ANLN: variants seen among roughly 807,000 people sequenced by gnomAD.
The protein encoded by ANLN is anillin.
A neutral mutation model predicts 135.1 loss-of-function variants in ANLN; 59 were observed. The ratio of observed to expected loss-of-function variants is 0.44; its 90% CI spans 0.35 to 0.54. The LOEUF is 0.54. Ranked by LOEUF, ANLN falls within the 20% of genes least tolerant of loss-of-function variation. ANLN has a pLI of 0.00. For missense variants in ANLN, 1,182 were observed against 1,340.0 expected (o/e 0.88, Z 1.84); for synonymous variants, 406 against 456.4 (o/e 0.89, Z 1.41).
chr7:36,431,617 A>T (rs1484896885), intron 20 of ANLN, among the ~76,000 whole-genome samples: 1 of 67,378 alleles, frequency 1.5e-5, no homozygotes, highest in African/African-American at 5.8e-5. Flanking sequence ...ATATATATAT[A>T]ATATATATAT....
intron 20 of ANLN, among the ~76,000 whole-genome samples, chr7:36,438,343 C>T (rs1788629640): frequency 1.3e-5 from 2 of 152,162 alleles, no homozygotes; most frequent in South Asian, 4.1e-4. Flanking sequence ...GTCCATATGT[C>T]TGTTCTTATG....
chr7:36,406,521 T>G lies in ANLN; in HGVS notation c.828T>G (p.Ser276Arg). 6.5e-7 allele frequency: 1 copy of G among 1,545,144 alleles called. No individual in the cohort carries two copies. The highest frequency in any genetic ancestry group is 8.8e-7 in the Non-Finnish European group (1 of 1,142,644). ...DASLNKALSS[S>R]ADDASLVNAS... ...CTTTGAATAAAGCCCTATCCTCAAGTGCTGATGATGCGTCTTTGGTTAATG... is the reference window on the plus strand; with the variant it reads ...CTTTGAATAAAGCCCTATCCTCAAGGGCTGATGATGCGTCTTTGGTTAATG... Residue 276 changes from serine (S) to arginine (R), a missense_variant, in exon 4 of 24, where the codon AGT becomes AGG. Around this residue, in one of 3 missense-constraint regions of ANLN, gnomAD observed 1,022 missense variants for 1,134.0 expected, o/e 0.90. Transcript: ENST00000265748.
chr7:36,443,788 T>A lies in ANLN; in HGVS notation c.3004T>A (p.Trp1002Arg). The A allele has an allele frequency of 6.2e-7, 1 of 1,612,900 alleles. No individual in the cohort carries two copies. The highest frequency in any genetic ancestry group is 8.5e-7 in the Non-Finnish European group (1 of 1,179,346). Residue 1002 changes from tryptophan (W) to arginine (R), a missense_variant, in exon 22 of 24, where the codon TGG becomes AGG. By Grantham distance (101) the Trp-to-Arg change is moderately radical. Coordinates refer to ENST00000265748, the MANE Select transcript of ANLN (RefSeq NM_018685.5). ...IFEDVSGFGA[W>R]HRRWCVLSGN... The stretch of plus-strand genomic sequence containing the variant: ...TGAAGATGTTAGTGGTTTTGGTGCC[T>A]GGCATCGAAGATGGTGTGTTCTTTC...
chr7:36,420,571 AAT>A, intron 11 of ANLN, 24 bp from the exon 12 acceptor site: 4 of 1,591,984 alleles, frequency 2.5e-6, no homozygotes, highest in Middle Eastern at 1.7e-4. Flanking sequence ...CTGGATTTCT[AAT>A]AGAGTGTAAC....
At chr7:36,428,846 G>A (rs1042931566) in intron 20 of ANLN, among the ~76,000 whole-genome samples, 5 of 143,016 alleles carry the variant, frequency 3.5e-5, no homozygotes, top group East Asian at 2.1e-4. Context: ...TGGCGTGATC[G>A]TGGCTCACTG....
intron 17 of ANLN, 90 bp downstream of exon 17, chr7:36,424,832 A>G: frequency 7.5e-7 from 1 of 1,337,636 alleles, no homozygotes. Flanking sequence ...ACTTTTAATG[A>G]TTAGGAAGTT....
intron 23 of ANLN, among the ~76,000 whole-genome samples, chr7:36,452,134 C>T (rs1789269102): frequency 6.6e-6 from 1 of 152,072 alleles, no homozygotes; most frequent in South Asian, 2.1e-4. Flanking sequence ...ATAATCAGGC[C>T]TTAGGTGCTC....
chr7:36,398,620 T>G (rs1562784835), intron 2 of ANLN, among the ~76,000 whole-genome samples: 2 of 152,196 alleles, frequency 1.3e-5, no homozygotes, highest in Admixed American at 1.3e-4. Flanking sequence ...ATATCTTTAT[T>G]TTTATTTTTC....
At chr7:36,422,033 A>AC in intron 13 of ANLN, 41 bp downstream of exon 13, 1 of 1,587,194 alleles carries the variant, frequency 6.3e-7, no homozygotes, top group Non-Finnish European at 8.5e-7. Context: ...CAAATTTCTA[A>AC]CCAGGGAAAA....
At chr7:36,420,020 T>C in intron 10 of ANLN, 149 bp from the exon 11 acceptor site, 1 of 734,208 alleles carries the variant, frequency 1.4e-6, no homozygotes, top group South Asian at 2.5e-5. Flanking sequence ...CTTTTATGTG[T>C]TAGGAACTTA....
At chr7:36,439,982 T>C (rs1311554654) in intron 21 of ANLN, among the ~76,000 whole-genome samples, 1 of 152,190 alleles carries the variant, frequency 6.6e-6, no homozygotes, top group Non-Finnish European at 1.5e-5. Flanking sequence ...AGAAAATCAT[T>C]CTGACCAATG....
intron 5 of ANLN, 135 bp downstream of exon 5, chr7:36,408,091 T>C (rs1787267571): frequency 3.0e-6 from 2 of 676,182 alleles, no homozygotes; most frequent in South Asian, 4.1e-5. Context: ...AAATGAGACC[T>C]CAGCTTTAGT....
intron 5 of ANLN, 83 bp downstream of exon 5, chr7:36,408,039 T>C: frequency 1.8e-6 from 2 of 1,116,708 alleles, no homozygotes; most frequent in Non-Finnish European, 2.6e-6. Context: ...CAATTGTGAA[T>C]GGTACAGCAA....
At chr7:36,420,019 G>C in intron 10 of ANLN, 150 bp from the exon 11 acceptor site, 1 of 728,502 alleles carries the variant, frequency 1.4e-6, no homozygotes, top group Non-Finnish European at 2.1e-6. Flanking sequence ...TCTTTTATGT[G>C]TTAGGAACTT....
At chr7:36,403,336 A>G (rs1308808003) in intron 3 of ANLN, among the ~76,000 whole-genome samples, 1 of 152,144 alleles carries the variant, frequency 6.6e-6, no homozygotes, top group Non-Finnish European at 1.5e-5. Context: ...GTTCGGGGCA[A>G]TTTCAACTTC....
intron 20 of ANLN, among the ~76,000 whole-genome samples, chr7:36,428,776 A>G (rs866580993): frequency 8.7e-6 from 1 of 114,630 alleles, no homozygotes; most frequent in South Asian, 2.8e-4. Context: ...ATAAAAGCAG[A>G]TTTTTTTTTT....
intron 20 of ANLN, among the ~76,000 whole-genome samples, chr7:36,438,226 T>C (rs1486515896): frequency 6.6e-6 from 1 of 152,204 alleles, no homozygotes; most frequent in Non-Finnish European, 1.5e-5. Context: ...GCACCATTTT[T>C]TGAAAAGGCT....
intron 6 of ANLN, 82 bp from the exon 7 acceptor site, chr7:36,410,977 C>A (rs2116602924): frequency 7.5e-7 from 1 of 1,336,832 alleles, no homozygotes; most frequent in South Asian, 1.5e-5. Flanking sequence ...TTTAAAACTG[C>A]AAACAAGGAA....
chr7:36,406,103 G>T, intron 3 of ANLN, 78 bp from the exon 4 acceptor site: 2 of 1,398,452 alleles, frequency 1.4e-6, no homozygotes, highest in South Asian at 1.5e-5. Context: ...TAAAAATTCA[G>T]CATAGAGTGA....
Sources: gnomAD v4.1 joint callset for allele counts (sites outside exome capture counted in the v4.1 genomes callset) on GRCh38, gnomAD v4.1.1 for gene constraint, gnomAD v4.1.1 regional missense constraint, MANE v1.5 for transcripts, NCBI Gene and HGNC (gene_info 2026-07-23, HGNC 2026-07-21) for gene names.